The following GPC6 variants were observed in gnomAD, a reference collection of about 807,000 sequenced individuals.
The protein encoded by GPC6 is glypican-6.
In GPC6, 14 loss-of-function variants were observed where a neutral mutation model predicts 55.2. The observed-to-expected ratio is 0.25, with a 90% CI of 0.17 to 0.40. GPC6 has a LOEUF of 0.40. Among genes scored for constraint, GPC6 ranks in the 10% least tolerant of loss-of-function variants. The pLI is 1.00. For missense variants in GPC6, 641 were observed against 708.5 expected (o/e 0.90, Z 1.08); for synonymous variants, 278 against 259.6 (o/e 1.07, Z -0.68).
chr13:93,228,468 C>G (rs1047975168), intron 1 of GPC6, among the ~76,000 whole-genome samples: 1 of 152,208 alleles, frequency 6.6e-6, no homozygotes, highest in Non-Finnish European at 1.5e-5. Context: ...TGGCATTGCT[C>G]CACCAAGAGC....
At chr13:93,794,464 C>G (rs1482080770) in intron 2 of GPC6, among the ~76,000 whole-genome samples, 1 of 152,222 alleles carries the variant, frequency 6.6e-6, no homozygotes, top group African/African-American at 2.4e-5. Context: ...CACTCTCTCA[C>G]TTAAATGACT....
At chr13:93,415,247 G>T (rs1032835116) in intron 1 of GPC6, among the ~76,000 whole-genome samples, 1 of 151,936 alleles carries the variant, frequency 6.6e-6, no homozygotes, top group Non-Finnish European at 1.5e-5. Context: ...AAAGCACTAA[G>T]TTCAGTTCCT....
chr13:93,917,775 G>C (rs575593360), intron 3 of GPC6, among the ~76,000 whole-genome samples: 27 of 152,252 alleles, frequency 1.8e-4, no homozygotes, highest in African/African-American at 6.5e-4. Context: ...ATAAATCTGC[G>C]TAAGTGTCAA....
intron 2 of GPC6, among the ~76,000 whole-genome samples, chr13:93,712,451 A>T (rs1255283443): frequency 6.6e-6 from 1 of 151,652 alleles, no homozygotes; most frequent in African/African-American, 2.4e-5. Flanking sequence ...TCCCCTGTGT[A>T]TCAATATTTT....
At chr13:93,879,737 T>A (rs1479452710) in intron 3 of GPC6, among the ~76,000 whole-genome samples, 1 of 151,888 alleles carries the variant, frequency 6.6e-6, no homozygotes, top group African/African-American at 2.4e-5. Flanking sequence ...ACTAAAGAGC[T>A]TCTGCACAGC....
intron 3 of GPC6, among the ~76,000 whole-genome samples, chr13:93,934,902 AAG>A (rs1176430493): frequency 6.6e-6 from 1 of 151,888 alleles, no homozygotes; most frequent in Non-Finnish European, 1.5e-5. Flanking sequence ...ATATAAATTT[AAG>A]GATACAATAT....
At chr13:93,805,339 A>C (rs1184979736) in intron 2 of GPC6, among the ~76,000 whole-genome samples, 5 of 152,198 alleles carry the variant, frequency 3.3e-5, no homozygotes, top group Non-Finnish European at 7.3e-5. Context: ...CATACATTAC[A>C]TACCTGTCAC....
intron 1 of GPC6, among the ~76,000 whole-genome samples, chr13:93,451,170 C>G (rs1316646212): frequency 1.3e-5 from 2 of 152,152 alleles, no homozygotes; most frequent in Non-Finnish European, 2.9e-5. Context: ...TGGAGAGGAC[C>G]AGGTTATTGG....
chr13:93,648,325 G>A (rs1880265310), intron 2 of GPC6, among the ~76,000 whole-genome samples: 1 of 152,090 alleles, frequency 6.6e-6, no homozygotes, highest in Admixed American at 6.6e-5. Context: ...AATTACTGAA[G>A]AGAAAATAAA....
intron 1 of GPC6, among the ~76,000 whole-genome samples, chr13:93,357,792 G>A (rs1880904313): frequency 1.3e-5 from 2 of 152,176 alleles, no homozygotes; most frequent in Admixed American, 1.3e-4. Flanking sequence ...CCATGTTTGT[G>A]CCACTGCACT....
At chr13:94,308,125 T>C (rs1876049048) in intron 6 of GPC6, among the ~76,000 whole-genome samples, 1 of 152,238 alleles carries the variant, frequency 6.6e-6, no homozygotes, top group Non-Finnish European at 1.5e-5. Context: ...AATAATATAA[T>C]GATATGTATG....
At chr13:93,287,906 G>A (rs1029329378) in intron 1 of GPC6, among the ~76,000 whole-genome samples, 1 of 152,112 alleles carries the variant, frequency 6.6e-6, no homozygotes, top group African/African-American at 2.4e-5. Flanking sequence ...CAATATCCCT[G>A]TAGGGAAAAC....
At chr13:93,347,266 TCTG>T (rs2139159004) in intron 1 of GPC6, among the ~76,000 whole-genome samples, 1 of 152,336 alleles carries the variant, frequency 6.6e-6, no homozygotes, top group Non-Finnish European at 1.5e-5. Flanking sequence ...TGGGATTATT[TCTG>T]CTAACATGAC....
intron 4 of GPC6, among the ~76,000 whole-genome samples, chr13:94,245,209 T>C (rs955663631): frequency 6.6e-6 from 1 of 152,146 alleles, no homozygotes; most frequent in Non-Finnish European, 1.5e-5. Context: ...ACTGTTTTAT[T>C]CTCTATCTCT....
intron 4 of GPC6, among the ~76,000 whole-genome samples, chr13:94,132,771 C>T (rs933222751): frequency 2.0e-5 from 3 of 152,138 alleles, no homozygotes; most frequent in Non-Finnish European, 2.9e-5. Flanking sequence ...GATTAGATCA[C>T]GGTCACGGAG....
chr13:94,317,548 TACTC>T (rs1876603067), intron 6 of GPC6, among the ~76,000 whole-genome samples: 1 of 152,188 alleles, frequency 6.6e-6, no homozygotes, highest in Non-Finnish European at 1.5e-5. Context: ...TGTTTCCAGT[TACTC>T]AGGAAAATCA....
At chr13:93,353,587 A>G (rs1199462946) in intron 1 of GPC6, among the ~76,000 whole-genome samples, 1 of 152,256 alleles carries the variant, frequency 6.6e-6, no homozygotes, top group Non-Finnish European at 1.5e-5. Flanking sequence ...AAGCCAGCAG[A>G]TAAATGAAGA....
chr13:93,658,464 CAA>C (rs1300210889), intron 2 of GPC6, among the ~76,000 whole-genome samples: 1 of 151,658 alleles, frequency 6.6e-6, no homozygotes, highest in African/African-American at 2.4e-5. Flanking sequence ...AACTGTTTTC[CAA>C]AAGTCTTACC....
At chr13:93,682,398 C>T (rs150685441) in intron 2 of GPC6, among the ~76,000 whole-genome samples, 4 of 152,182 alleles carry the variant, frequency 2.6e-5, no homozygotes, top group Admixed American at 2.0e-4. Flanking sequence ...GACCCTTATG[C>T]GTACACACAA....
Sources: allele counts gnomAD v4.1 joint callset (sites outside exome capture counted in the v4.1 genomes callset), GRCh38; gene constraint gnomAD v4.1.1; transcripts MANE v1.5; gene names NCBI Gene and HGNC (gene_info 2026-07-23, HGNC 2026-07-21).